Variants in WDFY1 observed in about 807,000 individuals in gnomAD.
WDFY1 encodes WD repeat and FYVE domain containing 1.
A neutral mutation model predicts 56.4 loss-of-function variants in WDFY1; 32 were observed. That is an observed-to-expected ratio of 0.57 (90% CI 0.43 to 0.76). The LOEUF (loss-of-function observed/expected upper bound fraction) is 0.76, where lower values mean the gene tolerates loss of function less well. Among genes scored for constraint, WDFY1 ranks in the 30% least tolerant of loss-of-function variants. WDFY1 has a pLI of 0.00. For missense variants in WDFY1, 480 were observed against 545.7 expected (o/e 0.88, Z 1.20); for synonymous variants, 192 against 197.3 (o/e 0.97, Z 0.23).
intron 9 of WDFY1, among the ~76,000 whole-genome samples, chr2:223,883,984 G>A (rs1455610014): frequency 2.0e-5 from 3 of 151,354 alleles, no homozygotes; most frequent in Non-Finnish European, 4.4e-5. Context: ...TAGGCTAATC[G>A]CTCATAGAGA....
chr2:223,923,071 T>C (rs1445227807), intron 1 of WDFY1, among the ~76,000 whole-genome samples: 2 of 152,186 alleles, frequency 1.3e-5, no homozygotes, highest in Non-Finnish European at 2.9e-5. Context: ...AAGGCCCTCC[T>C]TGTCTGGGAA....
intron 1 of WDFY1, among the ~76,000 whole-genome samples, chr2:223,940,819 GTTTT>G (rs760193084): frequency 2.7e-5 from 4 of 149,530 alleles, no homozygotes; most frequent in African/African-American, 7.4e-5. Context: ...ATTTTTGTGG[GTTTT>G]TTTGTTTTTG....
intron 8 of WDFY1, among the ~76,000 whole-genome samples, chr2:223,893,581 A>G (rs1693314414): frequency 6.6e-6 from 1 of 152,152 alleles, no homozygotes; most frequent in Admixed American, 6.5e-5. Context: ...CTGTCTGTCT[A>G]AAGAACTGGA....
chr2:223,923,493 A>T (rs1298919947), intron 1 of WDFY1, among the ~76,000 whole-genome samples: 1 of 152,142 alleles, frequency 6.6e-6, no homozygotes, highest in Non-Finnish European at 1.5e-5. Context: ...CTAGGATAAT[A>T]TTAATAAACT....
At chr2:223,894,543 A>G in intron 7 of WDFY1, 1 of 560,618 alleles carries the variant, frequency 1.8e-6, no homozygotes, top group Non-Finnish European at 3.2e-6. Context: ...TCTATAAAAT[A>G]TATGACTACT....
chr2:223,878,816 T>C (rs1200332369), intron 11 of WDFY1, 86 bp from the exon 12 acceptor site: 2 of 1,490,576 alleles, frequency 1.3e-6, no homozygotes, highest in African/African-American at 1.4e-5. Flanking sequence ...AAACGACTGT[T>C]AAACCTGAAA....
rs2106066677 is a variant in WDFY1, at chr2:223,876,739, C to A, written c.*1932G>T. On this transcript the variant is annotated 3_prime_UTR_variant, in exon 12 of 12. Transcript: ENST00000233055. ...CAATCTACCACAGATGTCAAACGGT[C>A]ACATTTTACAGAAGTCAAAGGAAAA... 1 of 152,292 alleles carries A rather than the reference C, an allele frequency of 6.6e-6. No individual in the cohort carries two copies. The allele number at this position is 152,292 out of a possible 1,614,324, so 9.4% of individuals were successfully genotyped here. A position where few individuals can be genotyped will look rare whatever the true frequency, so the allele number is the denominator to read the frequency against.
At chr2:223,878,940 T>A (rs1001464092) in intron 11 of WDFY1, among the ~76,000 whole-genome samples, 1 of 152,238 alleles carries the variant, frequency 6.6e-6, no homozygotes, top group South Asian at 2.1e-4. Flanking sequence ...TCCCAACACT[T>A]TGGGAGACCG....
chr2:223,939,756 G>A (rs1689267673), intron 1 of WDFY1, among the ~76,000 whole-genome samples: 1 of 152,082 alleles, frequency 6.6e-6, no homozygotes, highest in Non-Finnish European at 1.5e-5. Context: ...TGGGAATTAT[G>A]GGAGCTACAA....
At chr2:223,936,265 T>A (rs1694167895) in intron 1 of WDFY1, among the ~76,000 whole-genome samples, 1 of 152,038 alleles carries the variant, frequency 6.6e-6, no homozygotes. Context: ...TTTGACTATG[T>A]TGGCCAGGCT....
chr2:223,916,217 C>T (rs1693784851), intron 2 of WDFY1, among the ~76,000 whole-genome samples: 1 of 152,142 alleles, frequency 6.6e-6, no homozygotes, highest in Non-Finnish European at 1.5e-5. Flanking sequence ...TCCTAATAAA[C>T]TACTAACTTT....
At chr2:223,899,711 A>C in intron 5 of WDFY1, among the ~76,000 whole-genome samples, 1 of 152,048 alleles carries the variant, frequency 6.6e-6, no homozygotes, top group East Asian at 1.9e-4. Flanking sequence ...GTGCCACTGT[A>C]CCACTCCAGC....
At chr2:223,901,780 C>G (rs1693511606) in intron 4 of WDFY1, among the ~76,000 whole-genome samples, 1 of 152,156 alleles carries the variant, frequency 6.6e-6, no homozygotes, top group South Asian at 2.1e-4. Context: ...AAAACACTGG[C>G]ATTCTAAGTA....
rs1693526420 is a variant in WDFY1 at position 223,902,754 on chromosome 2, TATTA to T, written c.335-1425_335-1422del. 2.7e-5 allele frequency among the ~76,000 whole-genome samples: 4 copies of T among 150,170 alleles called. No individual in the cohort carries two copies. In the South Asian group the frequency reaches 8.3e-4, roughly 31 times the overall value. On this transcript the variant is annotated intron_variant, in intron 4 of 11. Transcript: ENST00000233055. ...TCAGATAAGAAAACTGAAATGCAAATATTATTTATAAAATATTTATAAATATATA... is the reference window on the plus strand; with the variant it reads ...TCAGATAAGAAAACTGAAATGCAAATTTTATAAAATATTTATAAATATATA...
At chr2:223,916,161 T>A (rs941081693) in intron 2 of WDFY1, among the ~76,000 whole-genome samples, 13 of 152,284 alleles carry the variant, frequency 8.5e-5, no homozygotes, top group African/African-American at 3.1e-4. Context: ...ACAAAGAAGC[T>A]GGCCAGCCTG....
chr2:223,882,828 A>G (rs981067108), intron 9 of WDFY1, among the ~76,000 whole-genome samples: 8 of 152,040 alleles, frequency 5.3e-5, no homozygotes, highest in Admixed American at 5.2e-4. Flanking sequence ...CCCAGACTCA[A>G]GCGATCCTCC....
chr2:223,903,642 T>C (rs76886982), intron 4 of WDFY1, among the ~76,000 whole-genome samples: 7,517 of 29,990 alleles, frequency 0.25, 450 homozygotes, highest in East Asian at 0.4. Context: ...CACACACACG[T>C]TTTTTGTTTT....
chr2:223,938,162 G>A (rs888825117), intron 1 of WDFY1, among the ~76,000 whole-genome samples: 4 of 152,072 alleles, frequency 2.6e-5, no homozygotes, highest in Non-Finnish European at 5.9e-5. Flanking sequence ...TTTAACTTGG[G>A]ACAAACAAAA....
chr2:223,918,073 G>A, intron 1 of WDFY1, 63 bp from the exon 2 acceptor site: 1 of 1,557,326 alleles, frequency 6.4e-7, no homozygotes. Context: ...TGTGTTCCAT[G>A]AGAACTTAAT....
Sources: gnomAD v4.1 joint callset for allele counts (sites outside exome capture counted in the v4.1 genomes callset) on GRCh38, gnomAD v4.1.1 for gene constraint, MANE v1.5 for transcripts, NCBI Gene and HGNC (gene_info 2026-07-23, HGNC 2026-07-21) for gene names.